Variants in MAML2 observed in about 807,000 individuals in gnomAD.
MAML2 encodes the protein mastermind like transcriptional coactivator 2.
In MAML2, 22 loss-of-function variants were observed where a neutral mutation model predicts 96.1. That is an observed-to-expected ratio of 0.23 (90% CI 0.16 to 0.33). The LOEUF (loss-of-function observed/expected upper bound fraction) is 0.33. Ranked by LOEUF, MAML2 falls within the 10% of genes least tolerant of loss-of-function variation. The pLI, the probability that MAML2 is intolerant of heterozygous loss-of-function variation, is 1.00. For missense variants in MAML2, 1,367 were observed against 1,392.4 expected (o/e 0.98, Z 0.29); for synonymous variants, 561 against 521.3 (o/e 1.08, Z -1.04).
chr11:96,328,661 T>G (rs992210080), intron 1 of MAML2, among the ~76,000 whole-genome samples: 3 of 152,150 alleles, frequency 2.0e-5, no homozygotes, highest in Non-Finnish European at 4.4e-5. Flanking sequence ...TCTTTAGATT[T>G]AATATCGTTT....
At chr11:96,305,116 T>C (rs1021368191) in intron 1 of MAML2, among the ~76,000 whole-genome samples, 2 of 152,190 alleles carry the variant, frequency 1.3e-5, no homozygotes, top group African/African-American at 2.4e-5. Flanking sequence ...TTTCACATTT[T>C]AGTGTAATAT....
chr11:96,060,000 T>C (rs1381669444), intron 2 of MAML2, among the ~76,000 whole-genome samples: 1 of 152,156 alleles, frequency 6.6e-6, no homozygotes, highest in African/African-American at 2.4e-5. Flanking sequence ...TTATCTCTGC[T>C]GAAGGCGAAG....
chr11:96,299,476 C>T (rs1034208667), intron 1 of MAML2, among the ~76,000 whole-genome samples: 1 of 151,964 alleles, frequency 6.6e-6, no homozygotes, highest in African/African-American at 2.4e-5. Context: ...TGCATGCTGA[C>T]AGTTTCTTCA....
intron 1 of MAML2, among the ~76,000 whole-genome samples, chr11:96,236,357 C>A (rs77963165): frequency 7.9e-5 from 12 of 152,178 alleles, no homozygotes; most frequent in African/African-American, 2.7e-4. Context: ...AAATCACCTA[C>A]GGAGCTTTAA....
chr11:96,144,628 T>C (rs1431485701), intron 1 of MAML2, among the ~76,000 whole-genome samples: 2 of 152,218 alleles, frequency 1.3e-5, no homozygotes, highest in South Asian at 2.1e-4. Flanking sequence ...AATGGCTCTG[T>C]TTTTACTGTG....
chr11:96,023,575 C>T (rs540670817), intron 2 of MAML2, among the ~76,000 whole-genome samples: 2 of 152,184 alleles, frequency 1.3e-5, no homozygotes, highest in Non-Finnish European at 2.9e-5. Flanking sequence ...AGCAGGCCCA[C>T]AGTGCTACAT....
Position 95,979,961 on chromosome 11 carries a change from C to T in MAML2, c.2458G>A (p.Gly820Ser). 6.2e-7 allele frequency: 1 copy of T among 1,605,046 alleles called. No individual in the cohort carries two copies. The highest frequency in any genetic ancestry group is 8.5e-7 in the Non-Finnish European group (1 of 1,176,298). ...NMQPTAQYSG[G>S]SSTISLNSNQ... Reference sequence around the variant, plus strand: ...GAGTTTAAGCTTATTGTGGATGAGCCACCTGAGAAAAAGAAGAGAATTTTA... The same window carrying T: ...GAGTTTAAGCTTATTGTGGATGAGCTACCTGAGAAAAAGAAGAGAATTTTA... Residue 820 changes from glycine to serine, a missense_variant and splice_region_variant, in exon 5 of 5, where the codon GGC (glycine) becomes AGC (serine). Physicochemically the swap from Gly to Ser is moderately conservative, Grantham distance 56. Transcript: ENST00000524717.
chr11:95,989,867 T>C (rs536008468), intron 3 of MAML2, among the ~76,000 whole-genome samples: 2 of 152,346 alleles, frequency 1.3e-5, no homozygotes, highest in African/African-American at 4.8e-5. Flanking sequence ...ACGAAACTTA[T>C]TCCACTTGTA....
At chr11:96,190,709 G>A (rs1170562207) in intron 1 of MAML2, among the ~76,000 whole-genome samples, 1 of 152,202 alleles carries the variant, frequency 6.6e-6, no homozygotes, top group Non-Finnish European at 1.5e-5. Context: ...GGGGATAAAT[G>A]TAAATCCCTC....
At chr11:96,202,224 G>T (rs558811629) in intron 1 of MAML2, among the ~76,000 whole-genome samples, 8 of 144,402 alleles carry the variant, frequency 5.5e-5, no homozygotes, top group Admixed American at 2.8e-4. Context: ...GGTGGCGGGC[G>T]CCTGTAGTCC....
intron 1 of MAML2, among the ~76,000 whole-genome samples, chr11:96,139,562 T>C (rs1480274874): frequency 6.6e-6 from 1 of 151,356 alleles, no homozygotes; most frequent in South Asian, 2.1e-4. Flanking sequence ...TTTGATATAT[T>C]TAAGAGAGAA....
At chr11:96,277,725 C>T (rs1863009553) in intron 1 of MAML2, among the ~76,000 whole-genome samples, 1 of 140,060 alleles carries the variant, frequency 7.1e-6, no homozygotes, top group African/African-American at 2.7e-5. Context: ...GCAACAGACA[C>T]TCTGCCTCAA....
chr11:96,282,025 G>T (rs371439943), intron 1 of MAML2, among the ~76,000 whole-genome samples: 352 of 152,126 alleles, frequency 2.3e-3, no homozygotes, highest in African/African-American at 8.2e-3. Flanking sequence ...CGAGGCAGGC[G>T]GATCACGAGG....
At chr11:96,219,855 A>G (rs1050528945) in intron 1 of MAML2, among the ~76,000 whole-genome samples, 4 of 152,162 alleles carry the variant, frequency 2.6e-5, no homozygotes, top group African/African-American at 9.6e-5. Flanking sequence ...CGAACTCCTG[A>G]CCTTGTGATC....
intron 1 of MAML2, among the ~76,000 whole-genome samples, chr11:96,250,055 C>G (rs1862561097): frequency 6.6e-6 from 1 of 152,152 alleles, no homozygotes; most frequent in Non-Finnish European, 1.5e-5. Context: ...TACCTGAGAA[C>G]TCGTTATCCA....
chr11:96,325,665 T>G (rs1863766265), intron 1 of MAML2, among the ~76,000 whole-genome samples: 1 of 152,118 alleles, frequency 6.6e-6, no homozygotes, highest in Admixed American at 6.5e-5. Flanking sequence ...GGAACAATAT[T>G]CTCCTTCACA....
chr11:96,299,644 A>T (rs774853427), intron 1 of MAML2, among the ~76,000 whole-genome samples: 2 of 152,164 alleles, frequency 1.3e-5, no homozygotes, highest in African/African-American at 2.4e-5. Context: ...TGAACACCCT[A>T]GCTCCGGTGC....
intron 2 of MAML2, among the ~76,000 whole-genome samples, chr11:96,036,135 G>A (rs992969933): frequency 1.3e-5 from 2 of 152,248 alleles, no homozygotes; most frequent in Admixed American, 6.5e-5. Context: ...TCTTTGAGAT[G>A]CTACACATGT....
At chr11:96,117,261 T>C (rs1346847992) in intron 1 of MAML2, among the ~76,000 whole-genome samples, 4 of 151,388 alleles carry the variant, frequency 2.6e-5, no homozygotes, top group Non-Finnish European at 4.4e-5. Flanking sequence ...CTCCTTGACA[T>C]ACCCAGTATC....
Sources: allele counts gnomAD v4.1 joint callset (sites outside exome capture counted in the v4.1 genomes callset), GRCh38; gene constraint gnomAD v4.1.1; transcripts MANE v1.5; gene names NCBI Gene and HGNC (gene_info 2026-07-23, HGNC 2026-07-21).